The following ERC2 variants were observed in gnomAD, a reference collection of about 807,000 sequenced individuals.
ERC2 encodes ERC protein 2.
Under a neutral mutation model 114.8 loss-of-function variants are expected in ERC2, and 42 were observed. That is an observed-to-expected ratio of 0.37 (90% CI 0.29 to 0.47). The LOEUF is 0.47. Ranked by LOEUF, ERC2 falls within the 20% of genes least tolerant of loss-of-function variation. ERC2 has a pLI of 0.99. For missense variants in ERC2, 939 were observed against 1,150.7 expected (o/e 0.82, Z 2.66); for synonymous variants, 454 against 425.5 (o/e 1.07, Z -0.82).
chr3:55,779,171 T>G (rs2068825712), intron 14 of ERC2, among the ~76,000 whole-genome samples: 1 of 151,890 alleles, frequency 6.6e-6, no homozygotes, highest in Non-Finnish European at 1.5e-5. Context: ...AGACCAATGT[T>G]TTTGGCTGCT....
intron 12 of ERC2, among the ~76,000 whole-genome samples, chr3:55,954,218 A>G (rs996537072): frequency 6.6e-6 from 1 of 151,762 alleles, no homozygotes; most frequent in Non-Finnish European, 1.5e-5. Context: ...TAAAAGAAGT[A>G]TTTGGAAAAT....
chr3:55,671,862 G>T (rs1028154724), intron 17 of ERC2, among the ~76,000 whole-genome samples: 5 of 152,158 alleles, frequency 3.3e-5, no homozygotes, highest in Non-Finnish European at 2.9e-5. Context: ...CTACATGAGG[G>T]TGTGAGAAGA....
At chr3:55,658,111 T>A (rs542827195) in intron 17 of ERC2, 12 of 152,348 alleles carry the variant, frequency 7.9e-5, no homozygotes, top group African/African-American at 2.9e-4. Flanking sequence ...AACTAAATCA[T>A]TCAGGACTAG....
intron 14 of ERC2, among the ~76,000 whole-genome samples, chr3:55,794,076 T>A (rs1414429049): frequency 2.6e-5 from 4 of 152,132 alleles, no homozygotes; most frequent in African/African-American, 9.7e-5. Flanking sequence ...CTTCTCTGAG[T>A]TGCACTTTAA....
At chr3:55,739,605 TG>T (rs1190987301) in intron 14 of ERC2, among the ~76,000 whole-genome samples, 6 of 152,146 alleles carry the variant, frequency 3.9e-5, no homozygotes, top group African/African-American at 1.4e-4. Flanking sequence ...TTTGTGGGGT[TG>T]TTTTTTTTCT....
rs34258011 is a variant in ERC2, at chr3:55,524,500, GTTTT to G, written c.*40-13228_*40-13225del. Among the ~76,000 whole-genome samples the G allele has an allele frequency of 1.8e-3, 214 of 120,832 alleles. 1 individual carries two copies. Among genetic ancestry groups the G allele is most frequent in the African/African-American group, 6.5e-3 (205 of 31,736 alleles). 79.3% of individuals were successfully genotyped at this position (120,832 alleles called of 152,430 possible). Reference sequence around the variant, plus strand: ...CACCCTGTTTTACAAAGCTCCAGTGGTTTTTTTTTTTTTTTTTTTTCATGGCTCC... The same window carrying G: ...CACCCTGTTTTACAAAGCTCCAGTGGTTTTTTTTTTTTTTTTCATGGCTCC... On this transcript the variant is annotated intron_variant, in intron 17 of 17. Coordinates refer to ENST00000288221, the MANE Select transcript of ERC2 (RefSeq NM_015576.3).
chr3:55,738,894 A>G (rs1350458457), intron 14 of ERC2, among the ~76,000 whole-genome samples: 1 of 152,032 alleles, frequency 6.6e-6, no homozygotes, highest in Admixed American at 6.6e-5. Context: ...TATTTCCCTA[A>G]TGCTCTCCCT....
chr3:55,904,640 C>A lies in ERC2; in HGVS notation c.2404-16091G>T, dbSNP rs573062155. Among the ~76,000 whole-genome samples, 7 of 152,264 alleles carry A rather than the reference C, an allele frequency of 4.6e-5. No individual in the cohort carries two copies. The South Asian group carries it at 6.2e-4, about 14-fold the overall frequency. ...CTAATGCTGCAGAAACCATCATGAA[C>A]ATGTTCTCATCTGGATGAGTCTAAT... On this transcript the variant is annotated intron_variant, in intron 13 of 17. Transcript: ENST00000288221.
intron 12 of ERC2, among the ~76,000 whole-genome samples, chr3:55,959,574 T>C (rs1194321751): frequency 2.0e-5 from 3 of 152,192 alleles, no homozygotes; most frequent in African/African-American, 7.2e-5. Context: ...CACAGGCATC[T>C]AATAATAAGA....
intron 14 of ERC2, among the ~76,000 whole-genome samples, chr3:55,845,427 C>T (rs889361254): frequency 2.8e-5 from 4 of 144,940 alleles, no homozygotes; most frequent in Admixed American, 2.1e-4. Flanking sequence ...TGCCGTGAAC[C>T]CGGGAGGCGG....
chr3:55,653,370 A>C (rs536858614), intron 17 of ERC2, among the ~76,000 whole-genome samples: 92 of 152,320 alleles, frequency 6.0e-4, no homozygotes, highest in African/African-American at 2.1e-3. Flanking sequence ...ACAACTGCAA[A>C]CACCATAGGC....
intron 5 of ERC2, among the ~76,000 whole-genome samples, chr3:56,148,192 T>C (rs998781828): frequency 8.5e-5 from 13 of 152,224 alleles, no homozygotes; most frequent in Non-Finnish European, 1.9e-4. Context: ...ATAAAGAAAC[T>C]GAGGCTTAGG....
At chr3:56,420,598 T>C (rs954117209) in intron 2 of ERC2, among the ~76,000 whole-genome samples, 3 of 151,866 alleles carry the variant, frequency 2.0e-5, no homozygotes, top group Non-Finnish European at 4.4e-5. Context: ...ACTAAGGGAA[T>C]TTGGGGGCCG....
chr3:55,767,326 C>A (rs1325694688), intron 14 of ERC2, among the ~76,000 whole-genome samples: 1 of 152,208 alleles, frequency 6.6e-6, no homozygotes, highest in Non-Finnish European at 1.5e-5. Context: ...GCTAACATAT[C>A]TGCCAGCTCC....
chr3:55,986,518 G>A (rs145864178), intron 11 of ERC2, among the ~76,000 whole-genome samples: 22 of 152,092 alleles, frequency 1.4e-4, no homozygotes, highest in African/African-American at 2.4e-4. Context: ...TTTGGCTTTC[G>A]GTTCAAAGAT....
At chr3:55,755,222 G>A (rs919784092) in intron 14 of ERC2, among the ~76,000 whole-genome samples, 5 of 151,944 alleles carry the variant, frequency 3.3e-5, no homozygotes, top group African/African-American at 1.2e-4. Flanking sequence ...AAGCCTAGAA[G>A]AAACCACAGT....
intron 14 of ERC2, among the ~76,000 whole-genome samples, chr3:55,861,189 T>C (rs2062012659): frequency 6.6e-6 from 1 of 152,226 alleles, no homozygotes; most frequent in Admixed American, 6.5e-5. Context: ...TGTATCTGTA[T>C]CATTTCTGTG....
chr3:56,284,447 T>C (rs903223664), intron 3 of ERC2, among the ~76,000 whole-genome samples: 1 of 152,194 alleles, frequency 6.6e-6, no homozygotes, highest in Non-Finnish European at 1.5e-5. Context: ...TCACAATGTT[T>C]TAAAGGGGGA....
intron 3 of ERC2, among the ~76,000 whole-genome samples, chr3:56,174,967 A>C (rs2082891554): frequency 1.3e-5 from 1 of 78,282 alleles, no homozygotes; most frequent in African/African-American, 3.9e-5. Flanking sequence ...ATGGAACGAG[A>C]CTCTGTCTAA....
Sources: allele counts gnomAD v4.1 joint callset (sites outside exome capture counted in the v4.1 genomes callset), GRCh38; gene constraint gnomAD v4.1.1; transcripts MANE v1.5; gene names NCBI Gene and HGNC (gene_info 2026-07-23, HGNC 2026-07-21).